The following PCDH11X variants were observed in gnomAD, a reference collection of about 807,000 sequenced individuals.
PCDH11X encodes the protein protocadherin 11 X-linked.
In PCDH11X, 18 loss-of-function variants were observed where a neutral mutation model predicts 53.3. The ratio of observed to expected loss-of-function variants is 0.34; its 90% CI spans 0.23 to 0.50. The LOEUF (loss-of-function observed/expected upper bound fraction) is 0.50, where lower values mean the gene tolerates loss of function less well. Among genes scored for constraint, PCDH11X ranks in the 20% least tolerant of loss-of-function variants. PCDH11X has a pLI of 0.98. For missense variants in PCDH11X, 570 were observed against 1,032.4 expected (o/e 0.55, Z 6.14); for synonymous variants, 279 against 393.3 (o/e 0.71, Z 3.44).
Position 92,405,903 on chromosome X carries a change from G to A in PCDH11X, c.3343+17970G>A, listed in dbSNP as rs1313430956. ...AGGTCAGGAGATCGAGACCATCCTGGCTAACACAGTGAAACCCCATCTCTA... is the reference window on the plus strand; with the variant it reads ...AGGTCAGGAGATCGAGACCATCCTGACTAACACAGTGAAACCCCATCTCTA... On this transcript the variant is annotated intron_variant, in intron 9 of 10. Transcript: ENST00000682573. Among the ~76,000 whole-genome samples, 7 of 110,134 alleles carry A rather than the reference G, an allele frequency of 6.4e-5. No homozygotes were observed. In the East Asian group the frequency reaches 2.0e-3, roughly 32 times the overall value.
intron 7 of PCDH11X, among the ~76,000 whole-genome samples, chrX:92,212,860 C>T (rs1209652205): frequency 2.3e-5 from 1 of 43,584 alleles, no homozygotes; most frequent in African/African-American, 7.7e-5. Flanking sequence ...ATGTTTTCCT[C>T]AAAACCCAAC....
chrX:92,480,275 C>A (rs1306308827), intron 10 of PCDH11X, among the ~76,000 whole-genome samples: 2 of 111,545 alleles, frequency 1.8e-5, no homozygotes, highest in Non-Finnish European at 3.8e-5. Context: ...TTCTTACCTT[C>A]TTTGAATTGG....
chrX:91,985,438 G>A (rs1369900107), intron 6 of PCDH11X, among the ~76,000 whole-genome samples: 2 of 112,397 alleles, frequency 1.8e-5, no homozygotes, highest in Non-Finnish European at 3.8e-5. Context: ...CCGGGAGGCG[G>A]AGGGTGCAGT....
At chrX:92,326,542 GC>G (rs2069333229) in intron 8 of PCDH11X, among the ~76,000 whole-genome samples, 1 of 89,080 alleles carries the variant, frequency 1.1e-5, no homozygotes, top group South Asian at 6.7e-4. Flanking sequence ...AATGCAATCT[GC>G]TAAAATGAGT....
intron 7 of PCDH11X, among the ~76,000 whole-genome samples, chrX:92,221,282 C>T (rs930754675): frequency 0.21 from 2,648 of 12,834 alleles, 134 homozygotes; most frequent in African/African-American, 0.35. Flanking sequence ...GTATACAACA[C>T]ACACACACAC....
At chrX:91,807,854 A>C (rs2147554268) in intron 1 of PCDH11X, among the ~76,000 whole-genome samples, 1 of 109,420 alleles carries the variant, frequency 9.1e-6, no homozygotes. Context: ...TTACTTTCAA[A>C]GAAATAACAC....
chrX:92,364,788 A>G (rs1209911195), intron 8 of PCDH11X, among the ~76,000 whole-genome samples: 14 of 101,675 alleles, frequency 1.4e-4, no homozygotes, highest in Non-Finnish European at 2.8e-4. Flanking sequence ...CTGTAATTCC[A>G]GCTACTTGAG....
At chrX:92,187,491 G>T (rs754885939) in intron 6 of PCDH11X, among the ~76,000 whole-genome samples, 2 of 111,553 alleles carry the variant, frequency 1.8e-5, no homozygotes, top group Admixed American at 9.6e-5. Context: ...TTTGAGGGGG[G>T]TTATTATTCT....
intron 6 of PCDH11X, among the ~76,000 whole-genome samples, chrX:92,078,054 T>C (rs996709864): frequency 9.1e-6 from 1 of 110,126 alleles, no homozygotes; most frequent in Non-Finnish European, 1.9e-5. Flanking sequence ...GAGTAGTGTT[T>C]CCCTGTGGAC....
At chrX:92,575,956 C>G (rs1569506285) in intron 10 of PCDH11X, among the ~76,000 whole-genome samples, 1 of 68,874 alleles carries the variant, frequency 1.5e-5, no homozygotes, top group African/African-American at 5.6e-5. Flanking sequence ...CACACACACA[C>G]ACACACACAC....
chrX:92,347,484 A>G (rs1363151659), intron 8 of PCDH11X, among the ~76,000 whole-genome samples: 1 of 112,184 alleles, frequency 8.9e-6, no homozygotes, highest in Non-Finnish European at 1.9e-5. Context: ...GATTACTTGA[A>G]ATCCTAATTC....
chrX:91,825,191 G>A (rs2147596580), intron 4 of PCDH11X, among the ~76,000 whole-genome samples: 1 of 108,700 alleles, frequency 9.2e-6, no homozygotes, highest in South Asian at 3.7e-4. Context: ...CTTGAGCTGT[G>A]GTGGGCTCCA....
chrX:92,457,481 C>A (rs2072931191), intron 9 of PCDH11X, among the ~76,000 whole-genome samples: 1 of 108,540 alleles, frequency 9.2e-6, no homozygotes, highest in South Asian at 4.0e-4. Context: ...CAAGAAATCA[C>A]AACTTCAGTC....
chrX:92,205,411 C>T (rs927253440), intron 7 of PCDH11X, among the ~76,000 whole-genome samples: 2 of 110,289 alleles, frequency 1.8e-5, no homozygotes, highest in Non-Finnish European at 3.8e-5. Flanking sequence ...ATTAAGAAAC[C>T]GTTGCAGTCG....
At chrX:92,586,121 A>G (rs1468735935) in intron 10 of PCDH11X, among the ~76,000 whole-genome samples, 2 of 86,606 alleles carry the variant, frequency 2.3e-5, no homozygotes, top group African/African-American at 9.2e-5. Flanking sequence ...AAAATGCTAC[A>G]CTTACTGGTT....
chrX:92,018,137 G>T (rs1477576781), intron 6 of PCDH11X, among the ~76,000 whole-genome samples: 3 of 108,369 alleles, frequency 2.8e-5, no homozygotes, highest in East Asian at 5.8e-4. Context: ...CTGATGAGAG[G>T]TTCCTCATAA....
In PCDH11X at chrX:92,387,879, C is replaced by G; in HGVS notation, c.3289C>G (p.Arg1097Gly). The G allele has an allele frequency of 8.3e-7, 1 of 1,210,896 alleles. No homozygotes were observed. The highest frequency in any genetic ancestry group is 1.7e-5 in the African/African-American group (1 of 57,545). The change falls in exon 9 of 11, where the codon CGT (arginine) becomes GGT (glycine). Residue 1097 changes from arginine to glycine, a missense_variant. By Grantham distance (125) the Arg-to-Gly change is moderately radical (BLOSUM62 -2). Around this residue, in one of 6 missense-constraint regions of PCDH11X, gnomAD observed 234 missense variants for 296.1 expected, o/e 0.79. Coordinates refer to ENST00000682573, the MANE Select transcript of PCDH11X (RefSeq NM_032968.5). ...LGYPQEEYFD[R>G]ATPSNRTEGD... ...CTATCCTCAGGAGGAGTACTTTGAT[C>G]GTGCTACACCCAGCAATCGCACTGA...
chrX:91,853,390 A>G (rs1412586919), intron 5 of PCDH11X, among the ~76,000 whole-genome samples: 1 of 108,914 alleles, frequency 9.2e-6, no homozygotes, highest in Non-Finnish European at 1.9e-5. Context: ...ATGTTAATCA[A>G]ATATGAATGT....
At chrX:92,495,708 G>C (rs922663713) in intron 10 of PCDH11X, among the ~76,000 whole-genome samples, 2 of 107,761 alleles carry the variant, frequency 1.9e-5, no homozygotes, top group Non-Finnish European at 3.8e-5. Flanking sequence ...TCACATGGCT[G>C]AGGAGGCCTC....
Sources: gnomAD v4.1 joint callset for allele counts (sites outside exome capture counted in the v4.1 genomes callset) on GRCh38, gnomAD v4.1.1 for gene constraint, gnomAD v4.1.1 regional missense constraint, MANE v1.5 for transcripts, NCBI Gene and HGNC (gene_info 2026-07-23, HGNC 2026-07-21) for gene names.